Variants in LARS2 observed in about 807,000 individuals in gnomAD.
LARS2 encodes the protein leucyl-tRNA synthetase 2, mitochondrial, also known as leucine--tRNA ligase, mitochondrial.
Under a neutral mutation model 116.6 loss-of-function variants are expected in LARS2, and 81 were observed. The observed-to-expected ratio is 0.69, with a 90% confidence interval of 0.58 to 0.84. LARS2 has a LOEUF of 0.84. Ranked by LOEUF, LARS2 falls within the 40% of genes least tolerant of loss-of-function variation. The probability of loss-of-function intolerance (pLI) is 0.00; values close to 1 mark genes in which losing one functional copy is unlikely to be tolerated. For synonymous variants in LARS2, 396 were observed against 407.2 expected (o/e 0.97, Z 0.33); for missense variants, 968 against 1,114.5 (o/e 0.87, Z 1.87).
chr3:45,398,702 T>C (rs1269490036), intron 3 of LARS2, among the ~76,000 whole-genome samples: 1 of 152,194 alleles, frequency 6.6e-6, no homozygotes, highest in Non-Finnish European at 1.5e-5. Flanking sequence ...TTGTGAAGTT[T>C]GCTGGGTAAA....
At chr3:45,483,773 G>A (rs1310573746) in intron 10 of LARS2, among the ~76,000 whole-genome samples, 1 of 152,198 alleles carries the variant, frequency 6.6e-6, no homozygotes, top group African/African-American at 2.4e-5. Flanking sequence ...TACCATGGCT[G>A]CTGGCTGGAG....
At chr3:45,448,607 G>T (rs2125705187) in intron 7 of LARS2, among the ~76,000 whole-genome samples, 1 of 152,270 alleles carries the variant, frequency 6.6e-6, no homozygotes, top group Non-Finnish European at 1.5e-5. Context: ...TAACAGAAAG[G>T]GAGTCATTAG....
At chr3:45,473,663 C>T (rs545372024) in intron 8 of LARS2, among the ~76,000 whole-genome samples, 4 of 150,194 alleles carry the variant, frequency 2.7e-5, no homozygotes, top group East Asian at 1.9e-4. Flanking sequence ...ATATTACAGG[C>T]GTGAGCCACT....
Position 45,538,006 on chromosome 3 carries a change from T to C in LARS2, c.2405-3823T>C, listed in dbSNP as rs6786502. On this transcript the variant is annotated intron_variant, in intron 20 of 21. Transcript: ENST00000645846. ...TCCCAGCCTGTGTTTAGACTGTGTG[T>C]CCTGAAGGCCAGCTCTCCACCTGAC... Among the ~76,000 whole-genome samples the C allele has an allele frequency of 2.8e-3, 426 of 152,332 alleles. 6 individuals carry two copies. The highest frequency in any genetic ancestry group is 9.7e-3 in the African/African-American group (403 of 41,584).
At chr3:45,460,479 T>C (rs1033076797) in intron 8 of LARS2, among the ~76,000 whole-genome samples, 2 of 152,234 alleles carry the variant, frequency 1.3e-5, no homozygotes, top group African/African-American at 4.8e-5. Context: ...GAAAATGTAA[T>C]AACCTAACTG....
At chr3:45,447,519 T>G (rs1699042194) in intron 7 of LARS2, among the ~76,000 whole-genome samples, 2 of 141,940 alleles carry the variant, frequency 1.4e-5, no homozygotes, top group East Asian at 2.2e-4. Flanking sequence ...AATAAAAGGA[T>G]GAGTTCAGCC....
intron 6 of LARS2, among the ~76,000 whole-genome samples, chr3:45,446,587 C>A (rs1186084090): frequency 2.0e-5 from 3 of 152,118 alleles, no homozygotes; most frequent in Non-Finnish European, 4.4e-5. Context: ...ATGTTAATAC[C>A]CAATTTTGTA....
chr3:45,539,450 G>A (rs1171645925), intron 20 of LARS2, among the ~76,000 whole-genome samples: 5 of 152,024 alleles, frequency 3.3e-5, no homozygotes, highest in African/African-American at 1.2e-4. Flanking sequence ...GGCCAACATG[G>A]TAAAACCCTG....
intron 4 of LARS2, among the ~76,000 whole-genome samples, chr3:45,406,964 G>A (rs1383307799): frequency 2.0e-5 from 3 of 152,060 alleles, no homozygotes; most frequent in East Asian, 1.9e-4. Flanking sequence ...CTCCCACCTC[G>A]GCTGGTCTCC....
intron 10 of LARS2, among the ~76,000 whole-genome samples, chr3:45,480,587 A>G (rs1559482436): frequency 6.6e-6 from 1 of 152,228 alleles, no homozygotes; most frequent in East Asian, 1.9e-4. Flanking sequence ...GCATCACATC[A>G]CTAGCACAGG....
Position 45,520,248 on chromosome 3 carries a change from A to G in LARS2, c.2244A>G (p.Ser748=). 1 of 1,613,458 alleles carries G rather than the reference A, an allele frequency of 6.2e-7. No individual in the cohort carries two copies. Among genetic ancestry groups the G allele is most frequent in the South Asian group, 1.1e-5 (1 of 91,074 alleles). ...QVTTHFTEDF[S]LNSAISQLMG... is the part of the protein sequence containing the mutation. ...CCACCCATTTCACAGAGGACTTCTC[A>G]CTGAATTCTGCAATTTCTCAGCTGA... The change falls in exon 19 of 22, where the codon TCA becomes TCG. Residue 748 remains serine, a synonymous_variant. Transcript: ENST00000645846.
intron 8 of LARS2, among the ~76,000 whole-genome samples, chr3:45,470,747 AGT>A (rs1699507971): frequency 6.6e-6 from 1 of 152,202 alleles, no homozygotes; most frequent in Non-Finnish European, 1.5e-5. Context: ...TGATTTCCAA[AGT>A]GTTTCAAAGC....
In LARS2 at chr3:45,536,760, AG is replaced by A. The variant is rs1700713017; in HGVS notation, c.2405-5068del. 3.3e-5 allele frequency among the ~76,000 whole-genome samples: 5 copies of A among 152,340 alleles called. No homozygotes were observed. The South Asian group carries it at 1.0e-3, about 32-fold the overall frequency. ...TGTAAAGCATTCAACGTTACAAGAG[AG>A]TGTGTCCTAAGCTGTCACTCAGTTG... On this transcript the variant is annotated intron_variant, in intron 20 of 21. Transcript: ENST00000645846.
At chr3:45,392,130 C>G (rs1260371846) in intron 2 of LARS2, among the ~76,000 whole-genome samples, 4 of 152,128 alleles carry the variant, frequency 2.6e-5, no homozygotes, top group Admixed American at 2.0e-4. Flanking sequence ...TTATAGCAAC[C>G]TAAGCCCTAA....
At chr3:45,389,740 T>G (rs1697908228) in intron 1 of LARS2, among the ~76,000 whole-genome samples, 1 of 152,182 alleles carries the variant, frequency 6.6e-6, no homozygotes, top group African/African-American at 2.4e-5. Context: ...AAGGGCCAAG[T>G]TGATCATAAA....
intron 10 of LARS2, among the ~76,000 whole-genome samples, chr3:45,485,228 A>G (rs1484336027): frequency 2.0e-5 from 3 of 151,924 alleles, no homozygotes; most frequent in African/African-American, 4.8e-5. Flanking sequence ...GTGGGTAGGA[A>G]CTCTTTTGTC....
At chr3:45,455,186 A>G (rs1699194830) in intron 7 of LARS2, among the ~76,000 whole-genome samples, 1 of 137,640 alleles carries the variant, frequency 7.3e-6, no homozygotes, top group Non-Finnish European at 1.5e-5. Flanking sequence ...CAAACCTCTT[A>G]GGAGCACACC....
chr3:45,514,470 T>C (rs1700341374), intron 16 of LARS2, among the ~76,000 whole-genome samples: 1 of 152,116 alleles, frequency 6.6e-6, no homozygotes, highest in Admixed American at 6.5e-5. Flanking sequence ...AAAAAGAAGC[T>C]GGAGAAGCAG....
chr3:45,522,902 AT>A (rs1037673000), intron 19 of LARS2, among the ~76,000 whole-genome samples: 7 of 146,668 alleles, frequency 4.8e-5, no homozygotes, highest in South Asian at 2.2e-4. Context: ...TAAAAAAAAA[AT>A]TAATTTTTAA....
Sources: allele counts gnomAD v4.1 joint callset (sites outside exome capture counted in the v4.1 genomes callset), GRCh38; gene constraint gnomAD v4.1.1; transcripts MANE v1.5; gene names NCBI Gene and HGNC (gene_info 2026-07-23, HGNC 2026-07-21).